Variants in KIAA0825 observed in about 807,000 individuals in gnomAD.
KIAA0825 encodes KIAA0825, also known as uncharacterized protein KIAA0825.
A neutral mutation model predicts 147.6 loss-of-function variants in KIAA0825; 119 were observed. The observed-to-expected ratio is 0.81, with a 90% CI of 0.69 to 0.94. The LOEUF is 0.94. KIAA0825 is among the 40% of genes least tolerant of loss of function. KIAA0825 has a pLI of 0.00. For missense variants in KIAA0825, 1,381 were observed against 1,472.7 expected, an observed-to-expected ratio of 0.94 and a Z score of 1.02; for synonymous variants, 470 against 518.1, an observed-to-expected ratio of 0.91 and a Z score of 1.26.
intron 1 of KIAA0825, among the ~76,000 whole-genome samples, chr5:94,612,132 A>T (rs1312045781): frequency 1.3e-5 from 2 of 152,180 alleles, no homozygotes; most frequent in African/African-American, 4.8e-5. Context: ...ACAAAACCGT[A>T]TTATAAAATA....
Position 94,268,575 on chromosome 5 carries a change from T to C in KIAA0825, c.3711-114451A>G, listed in dbSNP as rs200432079. Among the ~76,000 whole-genome samples, 8 of 152,142 alleles carry C rather than the reference T, an allele frequency of 5.3e-5. No homozygotes were observed. In the East Asian group the frequency reaches 1.5e-3, roughly 29 times the overall value. On this transcript the variant is annotated intron_variant, in intron 20 of 20. Transcript: ENST00000682413. ...TTTTGAGCAAAGGCAGTGGGCCAAA[T>C]GAGATGAAGAGACCACTAGCAGCTG...
At chr5:94,508,481 G>A (rs772740304) in intron 5 of KIAA0825, among the ~76,000 whole-genome samples, 1 of 151,430 alleles carries the variant, frequency 6.6e-6, no homozygotes, top group Non-Finnish European at 1.5e-5. Context: ...TCTATTCCTT[G>A]TTAATCTAAG....
intron 20 of KIAA0825, among the ~76,000 whole-genome samples, chr5:94,358,881 C>T (rs1252074059): frequency 6.6e-6 from 1 of 152,168 alleles, no homozygotes; most frequent in African/African-American, 2.4e-5. Context: ...TCTATCATGG[C>T]ATAAACTAAG....
chr5:94,477,145 T>C lies in KIAA0825; in HGVS notation c.1193A>G (p.Asn398Ser). 2 of 1,550,786 alleles carry C rather than the reference T, an allele frequency of 1.3e-6. No homozygotes were observed. Among genetic ancestry groups the C allele is most frequent in the Non-Finnish European group, 1.7e-6 (2 of 1,146,730 alleles). Residue 398 changes from asparagine to serine, a missense_variant, in exon 7 of 21, where the codon AAT (asparagine) becomes AGT (serine). By Grantham distance (46) the Asn-to-Ser change is conservative (BLOSUM62 1). Transcript: ENST00000682413. The stretch of plus-strand genomic sequence containing the variant: ...TGGTAGTGATTGCTCGGAAGGAATA[T>C]TGGTTTCGTTTGCTCTAGGTTTTTC... ...VMEKPRANET[N>S]IPSEQSLPGK...
intron 20 of KIAA0825, among the ~76,000 whole-genome samples, chr5:94,301,587 A>T (rs1225236482): frequency 1.3e-5 from 2 of 152,060 alleles, no homozygotes; most frequent in Admixed American, 1.3e-4. Flanking sequence ...AACAGAAAAC[A>T]TTGTGAAATA....
intron 5 of KIAA0825, 54 bp from the exon 6 acceptor site, chr5:94,484,984 A>G: frequency 8.2e-7 from 1 of 1,224,612 alleles, no homozygotes; most frequent in Non-Finnish European, 1.1e-6. Flanking sequence ...TTCTTAGTAA[A>G]TATTAGAATG....
intron 20 of KIAA0825, among the ~76,000 whole-genome samples, chr5:94,292,101 C>A (rs1286620060): frequency 6.6e-6 from 1 of 152,200 alleles, no homozygotes; most frequent in Admixed American, 6.5e-5. Flanking sequence ...CCCATTATTT[C>A]TTTCTATTGC....
intron 2 of KIAA0825, among the ~76,000 whole-genome samples, chr5:94,542,583 G>T (rs1251512623): frequency 6.6e-6 from 1 of 152,186 alleles, no homozygotes; most frequent in Non-Finnish European, 1.5e-5. Flanking sequence ...GAGGCAGAGG[G>T]ATCACCTGAG....
At chr5:94,593,071 C>T (rs1285848317) in intron 1 of KIAA0825, 2 of 705,288 alleles carry the variant, frequency 2.8e-6, no homozygotes, top group Non-Finnish European at 5.3e-6. Context: ...TCTTACTCTT[C>T]ATAATTTAGC....
intron 1 of KIAA0825, among the ~76,000 whole-genome samples, chr5:94,597,839 A>C (rs1022142685): frequency 3.3e-5 from 5 of 152,210 alleles, no homozygotes; most frequent in Non-Finnish European, 7.4e-5. Flanking sequence ...CAATTGTAAC[A>C]CAATGGTAAG....
chr5:94,164,983 A>G (rs1017670496), intron 20 of KIAA0825, among the ~76,000 whole-genome samples: 2 of 152,220 alleles, frequency 1.3e-5, no homozygotes, highest in Non-Finnish European at 2.9e-5. Context: ...CCACAAGCAC[A>G]GGCAACCAAA....
chr5:94,575,740 T>C (rs1235734983), intron 2 of KIAA0825, among the ~76,000 whole-genome samples: 1 of 152,200 alleles, frequency 6.6e-6, no homozygotes, highest in African/African-American at 2.4e-5. Flanking sequence ...TTTCTGGTCT[T>C]GGTAAAGGCA....
In KIAA0825 at chr5:94,462,514, T is replaced by A; in HGVS notation, c.2119A>T (p.Thr707Ser). Residue 707 changes from threonine to serine, a missense_variant, in exon 12 of 21, where the codon ACA becomes TCA. By Grantham distance (58) the Thr-to-Ser change is moderately conservative (BLOSUM62 1). Coordinates refer to ENST00000682413, the MANE Select transcript of KIAA0825 (RefSeq NM_001145678.3). Reference protein sequence around the residue: ...CTENMLWSVCTSVQKLLNPHQ... With the variant: ...CTENMLWSVCSSVQKLLNPHQ... ...GGATTCAAAAGTTTCTGTACAGATG[T>A]ACAAACTGACCATAACATGTTCTCA... 6.5e-7 allele frequency: 1 copy of A among 1,544,026 alleles called. No homozygotes were observed. The highest frequency in any genetic ancestry group is 8.7e-7 in the Non-Finnish European group (1 of 1,143,588).
At chr5:94,319,676 G>C (rs2036474967) in intron 20 of KIAA0825, among the ~76,000 whole-genome samples, 1 of 151,744 alleles carries the variant, frequency 6.6e-6, no homozygotes, top group South Asian at 2.1e-4. Flanking sequence ...TTTAACTCAG[G>C]ATCTTCAAAA....
intron 20 of KIAA0825, among the ~76,000 whole-genome samples, chr5:94,200,200 G>A (rs1221090598): frequency 6.6e-6 from 1 of 152,166 alleles, no homozygotes; most frequent in East Asian, 1.9e-4. Flanking sequence ...AAATGTCTGT[G>A]TGGGTCATAG....
intron 15 of KIAA0825, among the ~76,000 whole-genome samples, chr5:94,412,557 C>T (rs866869781): frequency 2.0e-5 from 3 of 151,560 alleles, no homozygotes; most frequent in Admixed American, 6.6e-5. Context: ...CGCGCCACCA[C>T]ACCCAGCTAA....
At chr5:94,212,615 G>A (rs532650289) in intron 20 of KIAA0825, among the ~76,000 whole-genome samples, 2 of 152,294 alleles carry the variant, frequency 1.3e-5, no homozygotes, top group East Asian at 3.9e-4. Context: ...CCACTCCCAA[G>A]TCTCACAGGA....
intron 4 of KIAA0825, 36 bp downstream of exon 4, chr5:94,523,894 C>T (rs751463071): frequency 3.6e-6 from 5 of 1,371,804 alleles, no homozygotes; most frequent in Middle Eastern, 2.2e-4. Context: ...CCTGTTTACT[C>T]ATCCCACTCC....
chr5:94,529,705 T>G (rs1770386023), intron 3 of KIAA0825, among the ~76,000 whole-genome samples: 1 of 152,140 alleles, frequency 6.6e-6, no homozygotes, highest in African/African-American at 2.4e-5. Flanking sequence ...AATTTTATCC[T>G]GAGTATGTGT....
Sources: allele counts gnomAD v4.1 joint callset (sites outside exome capture counted in the v4.1 genomes callset), GRCh38; gene constraint gnomAD v4.1.1; transcripts MANE v1.5; gene names NCBI Gene and HGNC (gene_info 2026-07-23, HGNC 2026-07-21).